Variants in AFG1L observed in about 807,000 individuals in gnomAD.
AFG1L encodes the protein AFG1 like ATPase.
AFG1L carries 53 observed loss-of-function variants against 62.2 expected under a neutral mutation model. The observed-to-expected ratio is 0.85, with a 90% CI of 0.68 to 1.07. The LOEUF (loss-of-function observed/expected upper bound fraction) is 1.07, where lower values mean the gene tolerates loss of function less well. Ranked by LOEUF, AFG1L falls within the 50% of genes least tolerant of loss-of-function variation. The pLI, the probability that AFG1L is intolerant of heterozygous loss-of-function variation, is 0.00. For missense variants in AFG1L, 555 were observed against 590.5 expected (o/e 0.94, Z 0.62); for synonymous variants, 228 against 210.3 (o/e 1.08, Z -0.73).
At chr6:108,344,484 G>C (rs1778793457) in intron 2 of AFG1L, among the ~76,000 whole-genome samples, 1 of 152,124 alleles carries the variant, frequency 6.6e-6, no homozygotes, top group Non-Finnish European at 1.5e-5. Context: ...TACTCAGGAG[G>C]CTGAGGCAAG....
intron 11 of AFG1L, among the ~76,000 whole-genome samples, chr6:108,517,739 T>C (rs1774959858): frequency 6.6e-6 from 1 of 151,832 alleles, no homozygotes; most frequent in Admixed American, 6.6e-5. Context: ...GGAGAAAAAT[T>C]TTGCAATCTA....
chr6:108,471,900 A>G lies in AFG1L; in HGVS notation c.891-4965A>G, dbSNP rs574357586. On this transcript the variant is annotated intron_variant, in intron 8 of 12. Coordinates refer to ENST00000368977, the MANE Select transcript of AFG1L (RefSeq NM_145315.5). The stretch of plus-strand genomic sequence containing the variant: ...AGTTCCTCTGGAGTCATTATACAGA[A>G]CAGAGCATACTGGGAAAGCATTATG... 3.9e-5 allele frequency among the ~76,000 whole-genome samples: 6 copies of G among 152,324 alleles called. No individual in the cohort carries two copies. In the South Asian group the frequency reaches 1.2e-3, roughly 32 times the overall value.
At chr6:108,367,820 C>CA (rs1002079717) in intron 6 of AFG1L, among the ~76,000 whole-genome samples, 1 of 152,076 alleles carries the variant, frequency 6.6e-6, no homozygotes, top group African/African-American at 2.4e-5. Flanking sequence ...AAAAGTAGTA[C>CA]AAAAAGAATT....
intron 10 of AFG1L, among the ~76,000 whole-genome samples, chr6:108,506,890 C>T (rs1347818560): frequency 3.3e-5 from 5 of 152,092 alleles, no homozygotes; most frequent in Non-Finnish European, 7.4e-5. Flanking sequence ...TTTATCTTTC[C>T]TATTTATTAT....
chr6:108,301,439 T>C (rs1182081168), intron 1 of AFG1L, among the ~76,000 whole-genome samples: 1 of 152,212 alleles, frequency 6.6e-6, no homozygotes, highest in Admixed American at 6.5e-5. Context: ...AGATCTATCT[T>C]CTGCAACTTC....
chr6:108,472,606 T>C (rs913930579), intron 8 of AFG1L, among the ~76,000 whole-genome samples: 1 of 152,176 alleles, frequency 6.6e-6, no homozygotes, highest in East Asian at 1.9e-4. Flanking sequence ...TGGCATCTTA[T>C]TATTTTACTT....
At chr6:108,306,338 G>A (rs1401388502) in intron 1 of AFG1L, among the ~76,000 whole-genome samples, 2 of 152,124 alleles carry the variant, frequency 1.3e-5, no homozygotes, top group African/African-American at 4.8e-5. Context: ...TTTTTGGATA[G>A]CCTTAATTTT....
chr6:108,329,307 T>C (rs1344373025), intron 2 of AFG1L, among the ~76,000 whole-genome samples: 1 of 152,034 alleles, frequency 6.6e-6, no homozygotes, highest in East Asian at 1.9e-4. Context: ...TGTTATTTTT[T>C]ATTTTTTTTG....
chr6:108,401,950 C>A (rs771323937), intron 6 of AFG1L, 46 bp from the exon 7 acceptor site: 7 of 832,774 alleles, frequency 8.4e-6, no homozygotes, highest in Non-Finnish European at 1.4e-5. Context: ...AAATTAACAT[C>A]ATGATTTAGG....
chr6:108,420,774 G>T (rs1248279090), intron 7 of AFG1L, among the ~76,000 whole-genome samples: 1 of 151,812 alleles, frequency 6.6e-6, no homozygotes, highest in Non-Finnish European at 1.5e-5. Context: ...GTAGTTATCT[G>T]GAAAAAAACA....
intron 7 of AFG1L, among the ~76,000 whole-genome samples, chr6:108,424,238 A>C (rs1770719844): frequency 6.6e-6 from 1 of 152,148 alleles, no homozygotes; most frequent in African/African-American, 2.4e-5. Flanking sequence ...ATGGGATTGG[A>C]CTACAAGGTT....
At chr6:108,518,628 T>A (rs989721419) in intron 11 of AFG1L, among the ~76,000 whole-genome samples, 1 of 152,172 alleles carries the variant, frequency 6.6e-6, no homozygotes, top group African/African-American at 2.4e-5. Flanking sequence ...TGTGCACATG[T>A]ACCCTAAAAC....
At chr6:108,314,411 T>A (rs1323370830) in intron 1 of AFG1L, among the ~76,000 whole-genome samples, 1 of 151,666 alleles carries the variant, frequency 6.6e-6, no homozygotes, top group African/African-American at 2.4e-5. Flanking sequence ...TTTTTTTTTT[T>A]TAAGAGATAG....
intron 2 of AFG1L, among the ~76,000 whole-genome samples, chr6:108,330,179 T>C (rs72936756): frequency 3.2e-4 from 26 of 81,036 alleles, no homozygotes; most frequent in African/African-American, 7.2e-4. Flanking sequence ...AAATTCCTTT[T>C]TTATTTTTTT....
intron 1 of AFG1L, among the ~76,000 whole-genome samples, chr6:108,321,987 G>A (rs982934671): frequency 6.6e-6 from 1 of 152,094 alleles, no homozygotes; most frequent in African/African-American, 2.4e-5. Context: ...GGCTTAAGCC[G>A]TCCTCCTACC....
At position 108,382,476 on chromosome 6, in the gene AFG1L, G is replaced by A. The variant is rs534634880; in HGVS notation, c.748+16144G>A. On this transcript the variant is annotated intron_variant, in intron 6 of 12. Transcript: ENST00000368977. ...TTGGCTAACAGTTATGGGTATGCAC[G>A]TACACACACATACTAATTTTAATTT... 1.2e-4 allele frequency among the ~76,000 whole-genome samples: 19 copies of A among 152,140 alleles called. No individual in the cohort carries two copies. In the South Asian group the frequency reaches 2.5e-3, roughly 20 times the overall value.
chr6:108,428,116 C>A (rs1770907099), intron 7 of AFG1L, among the ~76,000 whole-genome samples: 1 of 152,102 alleles, frequency 6.6e-6, no homozygotes, highest in Non-Finnish European at 1.5e-5. Flanking sequence ...ACTCCATCTT[C>A]TGAGTCTCTA....
At chr6:108,373,774 C>T (rs1468693408) in intron 6 of AFG1L, among the ~76,000 whole-genome samples, 1 of 151,870 alleles carries the variant, frequency 6.6e-6, no homozygotes, top group Non-Finnish European at 1.5e-5. Context: ...GATGGGGTTT[C>T]ACCATATTGG....
chr6:108,365,152 A>G (rs896730100), intron 5 of AFG1L, among the ~76,000 whole-genome samples: 6 of 152,176 alleles, frequency 3.9e-5, no homozygotes, highest in Non-Finnish European at 7.4e-5. Context: ...GTGCTATCAA[A>G]GAAAGATCAA....
Sources: allele counts gnomAD v4.1 joint callset (sites outside exome capture counted in the v4.1 genomes callset), GRCh38; gene constraint gnomAD v4.1.1; transcripts MANE v1.5; gene names NCBI Gene and HGNC (gene_info 2026-07-23, HGNC 2026-07-21).